Variants in GALNT17 observed in about 807,000 individuals in gnomAD.
GALNT17 encodes UDP-GalNAc:polypeptide N-acetylgalactosaminyltransferase-like 3.
Under a neutral mutation model 63.7 loss-of-function variants are expected in GALNT17, and 29 were observed. The observed-to-expected ratio is 0.46, with a 90% CI of 0.34 to 0.62. GALNT17 has a LOEUF of 0.62. Among genes scored for constraint, GALNT17 ranks in the 20% least tolerant of loss-of-function variants. GALNT17 has a pLI of 0.01. For missense variants in GALNT17, 603 were observed against 799.6 expected (o/e 0.75, Z 2.97); for synonymous variants, 305 against 318.3 (o/e 0.96, Z 0.45).
chr7:71,594,464 A>G (rs1789858116), intron 6 of GALNT17, among the ~76,000 whole-genome samples: 1 of 151,774 alleles, frequency 6.6e-6, no homozygotes, highest in Admixed American at 6.6e-5. Flanking sequence ...TAATGTTTGT[A>G]TTTTTAGTAG....
chr7:71,336,066 CAG>C (rs1277158931), intron 2 of GALNT17, among the ~76,000 whole-genome samples: 6 of 104,096 alleles, frequency 5.8e-5, no homozygotes, highest in African/African-American at 2.2e-4. Flanking sequence ...TTTTTTGAGA[CAG>C]AGTGTCGCTC....
In GALNT17 at chr7:71,632,096, A is replaced by G. The variant is rs539753994; in HGVS notation, c.1081-33315A>G. 2.1e-3 allele frequency among the ~76,000 whole-genome samples: 296 copies of G among 139,906 alleles called. 2 individuals are homozygous for G. The highest frequency in any genetic ancestry group is 7.3e-3 in the African/African-American group (281 of 38,600). 91.8% of individuals were successfully genotyped at this position (139,906 alleles called of 152,430 possible). ...CTGAAGATGTTTAGTCTAAAAAAAA[A>G]AAGAAAAAGAAAAAAGACTGGGGCT... On this transcript the variant is annotated intron_variant, in intron 6 of 10. Transcript: ENST00000333538.
intron 1 of GALNT17, among the ~76,000 whole-genome samples, chr7:71,278,410 GT>G (rs1790719849): frequency 6.6e-6 from 1 of 152,182 alleles, no homozygotes; most frequent in Admixed American, 6.5e-5. Context: ...TAGCTTCCAG[GT>G]TCTGGTGTTT....
chr7:71,701,921 A>ATACACATATATATG (rs1791656550), intron 9 of GALNT17, among the ~76,000 whole-genome samples: 1 of 133,294 alleles, frequency 7.5e-6, no homozygotes, highest in African/African-American at 2.9e-5. Flanking sequence ...ACATATATAT[A>ATACACATATATATG]TGTATATATA....
chr7:71,138,695 C>T (rs973754851), intron 1 of GALNT17, among the ~76,000 whole-genome samples: 7 of 151,974 alleles, frequency 4.6e-5, no homozygotes, highest in African/African-American at 1.2e-4. Context: ...ACCTAGTGGT[C>T]GGGCACAGTG....
intron 5 of GALNT17, among the ~76,000 whole-genome samples, chr7:71,569,677 CT>C (rs1789405466): frequency 6.6e-6 from 1 of 152,132 alleles, no homozygotes; most frequent in African/African-American, 2.4e-5. Context: ...TCTTGAATGG[CT>C]GTGTCCATGC....
intron 3 of GALNT17, among the ~76,000 whole-genome samples, chr7:71,399,130 A>T (rs1793192124): frequency 6.6e-6 from 1 of 152,200 alleles, no homozygotes; most frequent in African/African-American, 2.4e-5. Context: ...GTTACTCAGG[A>T]GGCTGAGGCA....
At chr7:71,328,864 G>T (rs561982623) in intron 1 of GALNT17, among the ~76,000 whole-genome samples, 1 of 152,122 alleles carries the variant, frequency 6.6e-6, no homozygotes, top group South Asian at 2.1e-4. Context: ...ATCATTCCCT[G>T]TGTCTCCTTG....
intron 1 of GALNT17, among the ~76,000 whole-genome samples, chr7:71,286,122 G>T (rs7796585): frequency 0.38 from 57,221 of 151,998 alleles, 11,120 homozygotes; most frequent in Middle Eastern, 0.51. Flanking sequence ...AATATCTTGC[G>T]TTTGCAAATT....
At chr7:71,512,435 C>T (rs1240168317) in intron 5 of GALNT17, among the ~76,000 whole-genome samples, 1 of 152,174 alleles carries the variant, frequency 6.6e-6, no homozygotes, top group African/African-American at 2.4e-5. Flanking sequence ...CTTCCAGCTC[C>T]TTAGGAAAGC....
intron 6 of GALNT17, among the ~76,000 whole-genome samples, chr7:71,572,470 C>T (rs1039222626): frequency 1.4e-4 from 19 of 136,254 alleles, no homozygotes; most frequent in Admixed American, 1.3e-3. Flanking sequence ...CCATTACACT[C>T]CAGCCCAGGC....
intron 1 of GALNT17, among the ~76,000 whole-genome samples, chr7:71,225,165 C>T (rs888626247): frequency 5.3e-5 from 8 of 151,962 alleles, no homozygotes; most frequent in Non-Finnish European, 8.8e-5. Context: ...GATGGGGTTT[C>T]GCCATGTTGG....
chr7:71,205,152 CTTTTTTTTT>C (rs759200277), intron 1 of GALNT17, among the ~76,000 whole-genome samples: 1 of 115,032 alleles, frequency 8.7e-6, no homozygotes, highest in Non-Finnish European at 1.7e-5. Context: ...TTACTTTTTA[CTTTTTTTTT>C]TTTTTTTTTT....
At chr7:71,673,547 C>T (rs1332519199) in intron 8 of GALNT17, among the ~76,000 whole-genome samples, 1 of 152,126 alleles carries the variant, frequency 6.6e-6, no homozygotes, top group Admixed American at 6.6e-5. Context: ...CAAGTGGGTA[C>T]TTTGTCATGC....
At chr7:71,187,110 T>TA (rs1232714529) in intron 1 of GALNT17, among the ~76,000 whole-genome samples, 2 of 152,054 alleles carry the variant, frequency 1.3e-5, no homozygotes, top group East Asian at 1.9e-4. Flanking sequence ...TTTTAGTAGA[T>TA]ACTTAATTTT....
At chr7:71,416,896 G>C (rs577404128) in intron 4 of GALNT17, among the ~76,000 whole-genome samples, 17 of 152,306 alleles carry the variant, frequency 1.1e-4, no homozygotes, top group African/African-American at 4.1e-4. Context: ...CAGGTGAAAA[G>C]AACAGAATGT....
chr7:71,620,245 G>A (rs905729922), intron 6 of GALNT17, among the ~76,000 whole-genome samples: 7 of 152,164 alleles, frequency 4.6e-5, no homozygotes, highest in African/African-American at 1.7e-4. Flanking sequence ...TAGGTTTGAA[G>A]TTTTCCTTCT....
At position 71,426,125 on chromosome 7, in the gene GALNT17, C is replaced by A. The variant is rs537498087; in HGVS notation, c.962+5020C>A. Among the ~76,000 whole-genome samples, 3 of 152,326 alleles carry A rather than the reference C, an allele frequency of 2.0e-5. No homozygotes were observed. The South Asian group carries it at 6.2e-4, about 32-fold the overall frequency. ...TCCAATCACCTCCCACCAGGCCCCA[C>A]CTCCAACACTAGGGATTACAATTCA... On this transcript the variant is annotated intron_variant, in intron 5 of 10. Coordinates refer to ENST00000333538, the MANE Select transcript of GALNT17 (RefSeq NM_022479.3).
At chr7:71,149,281 G>A (rs543345004) in intron 1 of GALNT17, among the ~76,000 whole-genome samples, 1 of 152,136 alleles carries the variant, frequency 6.6e-6, no homozygotes, top group East Asian at 1.9e-4. Flanking sequence ...AACTTAATTC[G>A]ACATCACACC....
Sources: allele counts gnomAD v4.1 joint callset (sites outside exome capture counted in the v4.1 genomes callset), GRCh38; gene constraint gnomAD v4.1.1; transcripts MANE v1.5; gene names NCBI Gene and HGNC (gene_info 2026-07-23, HGNC 2026-07-21).